The following TMEM266 variants were observed in gnomAD, a reference collection of about 807,000 sequenced individuals.
TMEM266 encodes the protein Hv1 related protein 1.
TMEM266 carries 33 observed loss-of-function variants against 50.5 expected under a neutral mutation model. That is an observed-to-expected ratio of 0.65 (90% CI 0.50 to 0.87). The LOEUF (loss-of-function observed/expected upper bound fraction) is 0.87, where lower values mean the gene tolerates loss of function less well. Ranked by LOEUF, TMEM266 falls within the 40% of genes least tolerant of loss-of-function variation. The pLI is 0.00. For missense variants in TMEM266, 655 were observed against 695.1 expected, an observed-to-expected ratio of 0.94 and a Z score of 0.65; for synonymous variants, 310 against 292.3, an observed-to-expected ratio of 1.06 and a Z score of -0.62.
intron 1 of TMEM266, among the ~76,000 whole-genome samples, chr15:76,126,374 C>CATAT (rs61446223): frequency 0.028 from 3,913 of 137,626 alleles, 63 homozygotes; most frequent in Middle Eastern, 0.034. Flanking sequence ...CACCCACAGA[C>CATAT]ATATATATAT....
At chr15:76,199,905 T>TAGGTGGTGGAAGGGCTGTC (rs2038717446) in intron 9 of TMEM266, among the ~76,000 whole-genome samples, 1 of 152,134 alleles carries the variant, frequency 6.6e-6, no homozygotes, top group African/African-American at 2.4e-5. Flanking sequence ...AGGGGCTTTT[T>TAGGTGGTGGAAGGGCTGTC]AGGTGGTGGA....
At chr15:76,123,713 C>CTTTTT (rs573502236) in intron 1 of TMEM266, among the ~76,000 whole-genome samples, 17 of 147,444 alleles carry the variant, frequency 1.2e-4, no homozygotes, top group African/African-American at 4.2e-4. Context: ...AGGGATGAAT[C>CTTTTT]TTTTTTTTTT....
At chr15:76,105,915 C>T (rs538379387) in intron 1 of TMEM266, among the ~76,000 whole-genome samples, 1 of 152,284 alleles carries the variant, frequency 6.6e-6, no homozygotes, top group South Asian at 2.1e-4. Context: ...ATTACAGTAA[C>T]ATTGTGTACA....
Position 76,134,389 on chromosome 15 carries a change from C to T in TMEM266, c.38+88C>T, listed in dbSNP as rs1281688078. 6 of 1,418,140 alleles carry T rather than the reference C, an allele frequency of 4.2e-6. No homozygotes were observed. The African/African-American group carries it at 8.5e-5, about 20-fold the overall frequency. The allele number at this position is 1,418,140 out of a possible 1,614,324, so 87.8% of individuals were successfully genotyped here. A position where few individuals can be genotyped will look rare whatever the true frequency, so the allele number is the denominator to read the frequency against. ...GAAGATCTTCTAATTTAGGCAGCCA[C>T]TATGTACATTTCCTTTAGCAGGAGG... is the stretch of plus-strand genomic sequence containing the variant. On this transcript the variant is annotated intron_variant, in intron 2 of 10. Coordinates refer to ENST00000388942, the MANE Select transcript of TMEM266 (RefSeq NM_152335.3).
chr15:76,075,706 A>G (rs976888147), intron 1 of TMEM266, among the ~76,000 whole-genome samples: 3 of 152,004 alleles, frequency 2.0e-5, no homozygotes, highest in African/African-American at 7.3e-5. Context: ...ATAGGTTAGG[A>G]GTCCGAGACT....
chr15:76,071,156 G>A (rs1002348214), intron 1 of TMEM266, among the ~76,000 whole-genome samples: 2 of 152,150 alleles, frequency 1.3e-5, no homozygotes, highest in African/African-American at 4.8e-5. Flanking sequence ...GGAACTTCCA[G>A]CAGCTGCTTC....
At chr15:76,072,869 C>T (rs2036557284) in intron 1 of TMEM266, among the ~76,000 whole-genome samples, 1 of 152,184 alleles carries the variant, frequency 6.6e-6, no homozygotes, top group South Asian at 2.1e-4. Flanking sequence ...AACTTCTGAC[C>T]TTGTGATCCA....
chr15:76,150,573 C>T (rs990275999), intron 3 of TMEM266, among the ~76,000 whole-genome samples: 1 of 152,204 alleles, frequency 6.6e-6, no homozygotes, highest in Non-Finnish European at 1.5e-5. Flanking sequence ...AGTGCAGTCA[C>T]TCCCCTCTCT....
intron 1 of TMEM266, among the ~76,000 whole-genome samples, chr15:76,080,401 A>G (rs1220884170): frequency 1.4e-5 from 2 of 146,836 alleles, no homozygotes; most frequent in Non-Finnish European, 3.0e-5. Context: ...ACAGGTATGC[A>G]CCACCACGCC....
chr15:76,072,552 C>G (rs2141984854), intron 1 of TMEM266, among the ~76,000 whole-genome samples: 1 of 152,054 alleles, frequency 6.6e-6, no homozygotes, highest in Middle Eastern at 3.4e-3. Flanking sequence ...AGTCGCTTCA[C>G]TTTTCTGGGT....
At chr15:76,173,483 C>T (rs529696565) in intron 7 of TMEM266, among the ~76,000 whole-genome samples, 9 of 152,288 alleles carry the variant, frequency 5.9e-5, no homozygotes, top group East Asian at 1.9e-4. Context: ...GGGAGGTGTC[C>T]GTGGGACTAC....
chr15:76,203,664 GC>G, intron 10 of TMEM266, 76 bp from the exon 11 acceptor site: 1 of 1,415,216 alleles, frequency 7.1e-7, no homozygotes, highest in Non-Finnish European at 9.8e-7. Flanking sequence ...CCACCGCCCG[GC>G]TCAGACCTGC....
At chr15:76,166,460 C>T (rs1391850400) in intron 5 of TMEM266, among the ~76,000 whole-genome samples, 3 of 148,932 alleles carry the variant, frequency 2.0e-5, no homozygotes. Context: ...GATGGGTCCC[C>T]TGCGGATGGG....
chr15:76,145,371 C>A lies in TMEM266; in HGVS notation c.227+7476C>A, dbSNP rs547579501. ...CTGGAAATGGTGATTTCCACTGGTT[C>A]CTTCCAAGAGGGCTGCCTGTGGTCA... On this transcript the variant is annotated intron_variant, in intron 3 of 10. Coordinates refer to ENST00000388942, the MANE Select transcript of TMEM266 (RefSeq NM_152335.3). Among the ~76,000 whole-genome samples, 16 of 152,236 alleles carry A rather than the reference C, an allele frequency of 1.1e-4. No individual in the cohort carries two copies. The South Asian group carries it at 1.9e-3, about 18-fold the overall frequency.
chr15:76,123,301 A>G (rs2037370254), intron 1 of TMEM266, among the ~76,000 whole-genome samples: 1 of 152,246 alleles, frequency 6.6e-6, no homozygotes, highest in Non-Finnish European at 1.5e-5. Context: ...TCTGTTGTAC[A>G]GAAACCTTTC....
chr15:76,141,238 T>C (rs1367312558), intron 3 of TMEM266, among the ~76,000 whole-genome samples: 1 of 97,898 alleles, frequency 1.0e-5, no homozygotes, highest in Non-Finnish European at 2.0e-5. Flanking sequence ...TCAGTATACT[T>C]TTTTTTTTTT....
intron 1 of TMEM266, among the ~76,000 whole-genome samples, chr15:76,087,530 C>T (rs1330552778): frequency 6.6e-6 from 1 of 151,934 alleles, no homozygotes; most frequent in Non-Finnish European, 1.5e-5. Flanking sequence ...GTCCAGTGGA[C>T]AGAACTAACA....
At chr15:76,198,411 G>A (rs2038688535) in intron 9 of TMEM266, among the ~76,000 whole-genome samples, 1 of 152,192 alleles carries the variant, frequency 6.6e-6, no homozygotes. Flanking sequence ...TAGATGGAAG[G>A]TGGGCAGCCC....
intron 1 of TMEM266, among the ~76,000 whole-genome samples, chr15:76,060,430 C>G (rs977593140): frequency 1.3e-5 from 2 of 152,076 alleles, no homozygotes; most frequent in Non-Finnish European, 2.9e-5. Flanking sequence ...GGTTTTCAGA[C>G]GTGGTATAGA....
Sources: allele counts gnomAD v4.1 joint callset (sites outside exome capture counted in the v4.1 genomes callset), GRCh38; gene constraint gnomAD v4.1.1; transcripts MANE v1.5; gene names NCBI Gene and HGNC (gene_info 2026-07-23, HGNC 2026-07-21).